GPHN: variants seen among roughly 807,000 people sequenced by gnomAD.
The protein encoded by GPHN is gephyrin.
A neutral mutation model predicts 95.5 loss-of-function variants in GPHN; 17 were observed. The ratio of observed to expected loss-of-function variants is 0.18; its 90% CI spans 0.12 to 0.27. The LOEUF (loss-of-function observed/expected upper bound fraction) is 0.27. Among genes scored for constraint, GPHN ranks in the 10% least tolerant of loss-of-function variants. GPHN has a pLI of 1.00. For synonymous variants in GPHN, 320 were observed against 322.5 expected (o/e 0.99, Z 0.08); for missense variants, 660 against 978.1 (o/e 0.67, Z 4.34).
the GPHN span, chr14:67,570,725 C>T: frequency 6.6e-6 from 1 of 152,176 alleles, no homozygotes; most frequent in African/African-American, 2.4e-5. Flanking sequence ...TTCCCTACCT[C>T]CTCCTTTTTA....
At chr14:66,781,357 C>T (rs773464019) in intron 3 of GPHN, among the ~76,000 whole-genome samples, 9 of 152,062 alleles carry the variant, frequency 5.9e-5, no homozygotes, top group Non-Finnish European at 1.2e-4. Context: ...GCTGGGACTA[C>T]AGGCATGCGC....
intron 2 of GPHN, among the ~76,000 whole-genome samples, chr14:66,720,882 A>C (rs528537359): frequency 1.3e-5 from 2 of 152,228 alleles, no homozygotes; most frequent in East Asian, 3.9e-4. Flanking sequence ...AAAACAGAAA[A>C]ACATAACCTA....
chr14:67,286,123 C>G, the GPHN span, among the ~76,000 whole-genome samples: 1 of 152,196 alleles, frequency 6.6e-6, no homozygotes, highest in African/African-American at 2.4e-5. Context: ...TTGTTACAGA[C>G]TTGAATTTAC....
the GPHN span, chr14:67,336,527 T>C: frequency 6.3e-6 from 2 of 319,876 alleles, no homozygotes; most frequent in Non-Finnish European, 1.2e-5. Flanking sequence ...TGCTTTACAT[T>C]GAATTTACCT....
chr14:67,340,597 G>A, the GPHN span: 1 of 1,197,708 alleles, frequency 8.3e-7, no homozygotes, highest in Non-Finnish European at 1.2e-6. Flanking sequence ...TTGTATAACA[G>A]TTATTTTTTC....
the GPHN span, chr14:67,642,404 G>A: frequency 8.1e-6 from 13 of 1,601,826 alleles, no homozygotes; most frequent in Non-Finnish European, 1.0e-5. Flanking sequence ...TGGATTACAT[G>A]GTGCTTGGGG....
intron 1 of GPHN, among the ~76,000 whole-genome samples, chr14:66,636,378 A>AT (rs2064096664): frequency 6.6e-6 from 1 of 152,128 alleles, no homozygotes; most frequent in Admixed American, 6.5e-5. Context: ...ATTTTCTTAA[A>AT]TTTATCACAT....
intron 9 of GPHN, among the ~76,000 whole-genome samples, chr14:67,003,141 A>T (rs560961015): frequency 6.6e-6 from 1 of 151,658 alleles, no homozygotes. Context: ...TGGATTAGTT[A>T]TGCACATAAA....
chr14:67,546,359 G>T, the GPHN span, among the ~76,000 whole-genome samples: 1 of 152,066 alleles, frequency 6.6e-6, no homozygotes, highest in Non-Finnish European at 1.5e-5. Context: ...AAGACAAAGT[G>T]ACAAGTGACA....
intron 4 of GPHN, among the ~76,000 whole-genome samples, chr14:66,853,330 T>A (rs1384466003): frequency 2.0e-5 from 3 of 152,206 alleles, no homozygotes; most frequent in Admixed American, 1.3e-4. Context: ...TCACATTTAT[T>A]ACTTAAAAAA....
the GPHN span, chr14:67,575,424 C>T: frequency 2.0e-5 from 32 of 1,609,720 alleles, no homozygotes; most frequent in South Asian, 1.4e-4. Context: ...TGGTCTGGTG[C>T]GCTCTTGTTG....
chr14:67,151,670 G>T (rs1169364535), intron 18 of GPHN, among the ~76,000 whole-genome samples: 1 of 152,164 alleles, frequency 6.6e-6, no homozygotes. Flanking sequence ...TTGAGACAGT[G>T]TCTTGCTCTG....
At chr14:66,943,692 A>G (rs1384252739) in intron 8 of GPHN, among the ~76,000 whole-genome samples, 1 of 142,754 alleles carries the variant, frequency 7.0e-6, no homozygotes, top group Non-Finnish European at 1.5e-5. Flanking sequence ...TCCAAGCACT[A>G]TCTTCCTTTA....
intron 9 of GPHN, among the ~76,000 whole-genome samples, chr14:66,976,600 T>C (rs1000883948): frequency 6.6e-6 from 1 of 152,212 alleles, no homozygotes; most frequent in Non-Finnish European, 1.5e-5. Flanking sequence ...CTACTCATTC[T>C]ACTTTTGTTA....
At chr14:67,540,848 C>CTT in the GPHN span, among the ~76,000 whole-genome samples, 1 of 152,164 alleles carries the variant, frequency 6.6e-6, no homozygotes, top group Non-Finnish European at 1.5e-5. Context: ...CCCTCTCTCT[C>CTT]ATGCACACTC....
chr14:66,529,163 C>G (rs1005566552), intron 1 of GPHN, among the ~76,000 whole-genome samples: 2 of 151,728 alleles, frequency 1.3e-5, no homozygotes, highest in Non-Finnish European at 2.9e-5. Flanking sequence ...TTTGTTTGTT[C>G]CTTTTCATTT....
At chr14:66,704,578 A>G (rs973865228) in intron 2 of GPHN, among the ~76,000 whole-genome samples, 2 of 152,150 alleles carry the variant, frequency 1.3e-5, no homozygotes, top group African/African-American at 2.4e-5. Flanking sequence ...AAATAATGAA[A>G]TTAAGGCAGA....
the GPHN span, among the ~76,000 whole-genome samples, chr14:67,668,126 A>G: frequency 6.6e-6 from 1 of 152,160 alleles, no homozygotes; most frequent in Non-Finnish European, 1.5e-5. Context: ...TTAAAATGGA[A>G]AACTTTCAAT....
the GPHN span, among the ~76,000 whole-genome samples, chr14:67,273,817 A>G: frequency 6.6e-6 from 1 of 152,142 alleles, no homozygotes; most frequent in African/African-American, 2.4e-5. Context: ...CGCCATTCTA[A>G]CTGGTGTGAG....
Sources: allele counts gnomAD v4.1 joint callset (sites outside exome capture counted in the v4.1 genomes callset), GRCh38; gene constraint gnomAD v4.1.1; transcripts MANE v1.5; gene names NCBI Gene and HGNC (gene_info 2026-07-23, HGNC 2026-07-21).